Variants in REPS2 observed in about 807,000 individuals in gnomAD.
REPS2 encodes the protein ralBP1-associated Eps domain-containing protein 2.
Under a neutral mutation model 53.6 loss-of-function variants are expected in REPS2, and 23 were observed. That is an observed-to-expected ratio of 0.43 (90% CI 0.31 to 0.61). REPS2 has a LOEUF of 0.61. REPS2 is among the 20% of genes least tolerant of loss of function. The probability of loss-of-function intolerance (pLI) is 0.11; values close to 1 mark genes in which losing one functional copy is unlikely to be tolerated. For synonymous variants in REPS2, 238 were observed against 218.6 expected (o/e 1.09, Z -0.78); for missense variants, 446 against 534.9 (o/e 0.83, Z 1.64).
chrX:17,102,119 G>A (rs2148056833), intron 13 of REPS2, among the ~76,000 whole-genome samples: 1 of 110,181 alleles, frequency 9.1e-6, no homozygotes, highest in African/African-American at 3.3e-5. Flanking sequence ...GTCTCACTCT[G>A]TTGCCTAGGC....
Position 17,148,262 on chromosome X carries a change from G to T in REPS2, c.*781G>T, listed in dbSNP as rs1346880434. The T allele has an allele frequency of 8.9e-6, 1 of 112,054 alleles. No individual in the cohort carries two copies. Among genetic ancestry groups the T allele is most frequent in the African/African-American group, 3.3e-5 (1 of 30,708 alleles). The allele number at this position is 112,054 out of a possible 1,213,427, so 9.2% of individuals were successfully genotyped here. On this transcript the variant is annotated 3_prime_UTR_variant, in exon 18 of 18. Transcript: ENST00000357277. Reference sequence around the variant, plus strand: ...GAAGTCTGCTTTGACTGCCTTGCCTGACCAAATTAAATAAATAGTTGCCAG... The same window carrying T: ...GAAGTCTGCTTTGACTGCCTTGCCTTACCAAATTAAATAAATAGTTGCCAG...
rs1425202171 is a variant in REPS2 at position 17,078,039 on chromosome X, C to T, written c.1516+632C>T. ...GGGAGGCCCAGAGGGGCCCTGTCTGCTCCCTTGGCTTCCTGTGAAGTAGAA... is the reference window on the plus strand; with the variant it reads ...GGGAGGCCCAGAGGGGCCCTGTCTGTTCCCTTGGCTTCCTGTGAAGTAGAA... On this transcript the variant is annotated intron_variant, in intron 13 of 17. Coordinates refer to ENST00000357277, the MANE Select transcript of REPS2 (RefSeq NM_004726.3). Among the ~76,000 whole-genome samples, 4 of 112,241 alleles carry T rather than the reference C, an allele frequency of 3.6e-5. No homozygotes were observed. The Admixed American group carries it at 3.8e-4, about 11-fold the overall frequency.
intron 1 of REPS2, among the ~76,000 whole-genome samples, chrX:16,962,298 C>CACAG (rs1278857717): frequency 2.0e-4 from 22 of 108,917 alleles, no homozygotes; most frequent in Admixed American, 1.6e-3. Flanking sequence ...CACACACACA[C>CACAG]ACACACACAC....
chrX:17,155,264 C>T (rs941610591), downstream of REPS2, among the ~76,000 whole-genome samples: 1 of 111,260 alleles, frequency 9.0e-6, no homozygotes, highest in Non-Finnish European at 1.9e-5. Flanking sequence ...GGTGAGGGAG[C>T]TGAGTATGCT....
At chrX:17,027,509 TA>T (rs1238887644) in intron 4 of REPS2, among the ~76,000 whole-genome samples, 1 of 111,751 alleles carries the variant, frequency 8.9e-6, no homozygotes, top group East Asian at 2.8e-4. Flanking sequence ...ATAAGGATAC[TA>T]TGAACATTCA....
chrX:17,095,234 CTT>C (rs1400855643), intron 13 of REPS2, among the ~76,000 whole-genome samples: 1 of 112,107 alleles, frequency 8.9e-6, no homozygotes, highest in Non-Finnish European at 1.9e-5. Flanking sequence ...GATATCAACT[CTT>C]TAGATGTCTC....
At chrX:17,103,204 A>G (rs904895643) in intron 13 of REPS2, among the ~76,000 whole-genome samples, 11 of 111,816 alleles carry the variant, frequency 9.8e-5, no homozygotes, top group Non-Finnish European at 2.1e-4. Context: ...TCAGTCTATC[A>G]CTGTCAGCCT....
chrX:17,102,078 GTTATTTTATT>G (rs66502723), intron 13 of REPS2, among the ~76,000 whole-genome samples: 8 of 69,236 alleles, frequency 1.2e-4, no homozygotes, highest in Admixed American at 4.0e-4. Context: ...GTTATGTTAT[GTTATTTTATT>G]TTATTTATGA....
intron 8 of REPS2, among the ~76,000 whole-genome samples, chrX:17,056,935 C>T (rs1397182838): frequency 1.8e-5 from 2 of 111,677 alleles, no homozygotes; most frequent in Non-Finnish European, 3.8e-5. Flanking sequence ...GTGAGTATAA[C>T]ATATGTATTA....
intron 12 of REPS2, among the ~76,000 whole-genome samples, chrX:17,075,874 T>C (rs1003314651): frequency 2.7e-5 from 3 of 111,493 alleles, no homozygotes; most frequent in Non-Finnish European, 5.7e-5. Context: ...CTAGCTAGGG[T>C]CTCTAATTGT....
At chrX:16,989,244 A>G (rs868295045) in intron 1 of REPS2, among the ~76,000 whole-genome samples, 12 of 45,303 alleles carry the variant, frequency 2.6e-4, no homozygotes, top group African/African-American at 1.0e-3. Flanking sequence ...ATTAAACATC[A>G]ATATGTCAAA....
At chrX:17,174,042 A>T in the REPS2 span, among the ~76,000 whole-genome samples, 2 of 111,137 alleles carry the variant, frequency 1.8e-5, no homozygotes, top group Non-Finnish European at 3.8e-5. Flanking sequence ...TGAATTAAAA[A>T]AAAAAAAGAA....
intron 3 of REPS2, among the ~76,000 whole-genome samples, chrX:17,023,446 A>G (rs925938016): frequency 4.6e-5 from 5 of 109,880 alleles, no homozygotes; most frequent in Non-Finnish European, 7.6e-5. Context: ...AAAAAAAGGA[A>G]CACTCGAATG....
At chrX:17,183,967 T>C in the REPS2 span, among the ~76,000 whole-genome samples, 2 of 111,896 alleles carry the variant, frequency 1.8e-5, no homozygotes, top group Non-Finnish European at 1.9e-5. Flanking sequence ...GTCACCTCTT[T>C]AGAGAGGTCT....
At chrX:17,154,992 G>A (rs960559938), downstream of REPS2, among the ~76,000 whole-genome samples, 24 of 112,287 alleles carry the variant, frequency 2.1e-4, no homozygotes, top group African/African-American at 7.8e-4. Context: ...AGAGCTGCAT[G>A]TGCTAAGGTG....
intron 17 of REPS2, among the ~76,000 whole-genome samples, chrX:17,144,325 G>A (rs2063485059): frequency 8.9e-6 from 1 of 112,960 alleles, no homozygotes; most frequent in African/African-American, 3.2e-5. Flanking sequence ...ATTCTGCCCT[G>A]GTGGCAGGAA....
intron 1 of REPS2, among the ~76,000 whole-genome samples, chrX:16,952,691 T>C (rs2060528398): frequency 8.9e-6 from 1 of 112,612 alleles, no homozygotes; most frequent in South Asian, 3.6e-4. Context: ...AGACAAATTC[T>C]TGTGAACTTT....
chrX:17,087,957 GATA>G (rs2062562222), intron 13 of REPS2, among the ~76,000 whole-genome samples: 1 of 108,323 alleles, frequency 9.2e-6, no homozygotes, highest in South Asian at 4.0e-4. Flanking sequence ...TAGATAGATA[GATA>G]GATAGATAGA....
At chrX:17,068,325 A>AT in intron 9 of REPS2, 77 bp from the exon 10 acceptor site, 5 of 835,512 alleles carry the variant, frequency 6.0e-6, no homozygotes, top group South Asian at 2.5e-5. Flanking sequence ...AAAAAAAAAA[A>AT]TTTTTTTTCA....
Sources: gnomAD v4.1 joint callset for allele counts (sites outside exome capture counted in the v4.1 genomes callset) on GRCh38, gnomAD v4.1.1 for gene constraint, MANE v1.5 for transcripts, NCBI Gene and HGNC (gene_info 2026-07-23, HGNC 2026-07-21) for gene names.